The following KCNH5 variants were observed in gnomAD, a reference collection of about 807,000 sequenced individuals.
KCNH5 encodes potassium voltage-gated channel subfamily H member 5.
In KCNH5, 46 loss-of-function variants were observed where a neutral mutation model predicts 96.1. The observed-to-expected ratio is 0.48, with a 90% CI of 0.38 to 0.61. KCNH5 has a LOEUF of 0.61. KCNH5 is among the 20% of genes least tolerant of loss of function. KCNH5 has a pLI of 0.00. For synonymous variants in KCNH5, 439 were observed against 449.8 expected (o/e 0.98, Z 0.30); for missense variants, 907 against 1,225.8 (o/e 0.74, Z 3.88).
chr14:62,967,178 T>C, intron 6 of KCNH5, among the ~76,000 whole-genome samples: 1 of 152,166 alleles, frequency 6.6e-6, no homozygotes, highest in Non-Finnish European at 1.5e-5. Flanking sequence ...AGCTATGGTG[T>C]CCTTATCAAG....
intron 7 of KCNH5, among the ~76,000 whole-genome samples, chr14:62,878,089 G>C (rs566336004): frequency 7.4e-5 from 11 of 147,654 alleles, no homozygotes; most frequent in Non-Finnish European, 1.6e-4. Context: ...GTAAACTATC[G>C]CAAGGACAAA....
intron 8 of KCNH5, among the ~76,000 whole-genome samples, chr14:62,845,916 A>G (rs1887681929): frequency 6.6e-6 from 1 of 152,166 alleles, no homozygotes; most frequent in African/African-American, 2.4e-5. Flanking sequence ...GCAGGATATC[A>G]TGAAAGAATG....
intron 10 of KCNH5, among the ~76,000 whole-genome samples, chr14:62,758,514 C>T (rs529101139): frequency 1.2e-4 from 19 of 152,304 alleles, no homozygotes; most frequent in Non-Finnish European, 2.4e-4. Flanking sequence ...CTACTCTTCT[C>T]TCAGTACTTA....
chr14:62,804,504 G>C (rs1174484688), intron 8 of KCNH5, among the ~76,000 whole-genome samples: 1 of 152,162 alleles, frequency 6.6e-6, no homozygotes, highest in African/African-American at 2.4e-5. Flanking sequence ...TAACCAGAAA[G>C]TGTGGGAGGT....
chr14:62,898,193 A>C (rs1888853900), intron 7 of KCNH5, among the ~76,000 whole-genome samples: 1 of 152,222 alleles, frequency 6.6e-6, no homozygotes, highest in African/African-American at 2.4e-5. Context: ...TTAGAAAGTA[A>C]GAGAAAAAAT....
intron 7 of KCNH5, among the ~76,000 whole-genome samples, chr14:62,866,008 T>A (rs368716670): frequency 3.6e-4 from 55 of 152,238 alleles, no homozygotes; most frequent in African/African-American, 1.2e-3. Context: ...CTAGAACAAA[T>A]CCATGTGATG....
At chr14:62,950,857 C>T (rs948126525) in intron 6 of KCNH5, among the ~76,000 whole-genome samples, 2 of 151,996 alleles carry the variant, frequency 1.3e-5, no homozygotes, top group South Asian at 4.2e-4. Flanking sequence ...AGAGAGAAAC[C>T]GAAGATGAAA....
At chr14:63,002,904 T>A (rs1253042490) in intron 3 of KCNH5, among the ~76,000 whole-genome samples, 1 of 152,084 alleles carries the variant, frequency 6.6e-6, no homozygotes, top group Non-Finnish European at 1.5e-5. Context: ...TTTTTCTGTT[T>A]TCGTATTTTA....
At chr14:63,000,586 C>A (rs1463931750) in intron 4 of KCNH5, among the ~76,000 whole-genome samples, 1 of 152,158 alleles carries the variant, frequency 6.6e-6, no homozygotes, top group Admixed American at 6.5e-5. Flanking sequence ...CTAGGGACTA[C>A]ACAACAGAAT....
At chr14:62,893,335 CACTATAAAACTA>C (rs1202395671) in intron 7 of KCNH5, among the ~76,000 whole-genome samples, 1 of 152,180 alleles carries the variant, frequency 6.6e-6, no homozygotes, top group Non-Finnish European at 1.5e-5. Flanking sequence ...GCAGTGAATT[CACTATAAAACTA>C]ACTAACAAGG....
At chr14:62,727,294 C>T (rs767089176) in intron 10 of KCNH5, among the ~76,000 whole-genome samples, 4 of 151,702 alleles carry the variant, frequency 2.6e-5, no homozygotes, top group Non-Finnish European at 4.4e-5. Context: ...GAACCTGGGA[C>T]GTGGGGGTGA....
chr14:62,825,910 T>C (rs111266639), intron 8 of KCNH5, among the ~76,000 whole-genome samples: 2 of 152,126 alleles, frequency 1.3e-5, no homozygotes, highest in South Asian at 2.1e-4. Flanking sequence ...TCTGCCTAAT[T>C]GAAATTTTTG....
intron 7 of KCNH5, among the ~76,000 whole-genome samples, chr14:62,877,770 T>C (rs1169490916): frequency 6.6e-6 from 1 of 151,848 alleles, no homozygotes; most frequent in African/African-American, 2.4e-5. Context: ...GTTCAACCAT[T>C]GTGGAAGTCA....
intron 1 of KCNH5, among the ~76,000 whole-genome samples, chr14:63,033,100 T>C (rs970444101): frequency 6.6e-6 from 1 of 152,146 alleles, no homozygotes; most frequent in Non-Finnish European, 1.5e-5. Flanking sequence ...CACCATCATA[T>C]CTTGCGTCGA....
chr14:62,766,129 G>A (rs1328581689), intron 10 of KCNH5, among the ~76,000 whole-genome samples: 1 of 151,994 alleles, frequency 6.6e-6, no homozygotes, highest in Non-Finnish European at 1.5e-5. Flanking sequence ...ACTATAATGA[G>A]TTATCACCTC....
At chr14:62,803,300 T>C (rs1039060303) in intron 8 of KCNH5, among the ~76,000 whole-genome samples, 1 of 152,204 alleles carries the variant, frequency 6.6e-6, no homozygotes, top group African/African-American at 2.4e-5. Context: ...TAAATCAAAA[T>C]TCCACATTGG....
chr14:62,790,696 CT>C (rs1232609601), intron 9 of KCNH5, among the ~76,000 whole-genome samples: 1 of 150,560 alleles, frequency 6.6e-6, no homozygotes, highest in Non-Finnish European at 1.5e-5. Context: ...GATATTTTAC[CT>C]TTTTGGTTAA....
intron 10 of KCNH5, among the ~76,000 whole-genome samples, chr14:62,728,591 C>G (rs986005116): frequency 3.9e-5 from 6 of 152,036 alleles, no homozygotes. Flanking sequence ...ACGTGAAATG[C>G]TTTGGTAAGA....
Position 62,950,160 on chromosome 14 carries a change from A to G in KCNH5, c.1342T>C (p.Phe448Leu). 2 of 1,613,948 alleles carry G rather than the reference A, an allele frequency of 1.2e-6. No homozygotes were observed. Among genetic ancestry groups the G allele is most frequent in the Non-Finnish European group, 1.7e-6 (2 of 1,179,922 alleles). The change falls in exon 7 of 11, where the codon TTT (phenylalanine) becomes CTT (leucine). Residue 448 changes from phenylalanine to leucine, a missense_variant. Transcript: ENST00000322893. ...CCAACCATCATCATAGCCACCGAAAACATCTTCTCCACATCTGTGGTAGGA... is the reference window on the plus strand; with the variant it reads ...CCAACCATCATCATAGCCACCGAAAGCATCTTCTCCACATCTGTGGTAGGA... ...IAPTTDVEKM[F>L]SVAMMMVGSL...
Sources: allele counts gnomAD v4.1 joint callset (sites outside exome capture counted in the v4.1 genomes callset), GRCh38; gene constraint gnomAD v4.1.1; transcripts MANE v1.5; gene names NCBI Gene and HGNC (gene_info 2026-07-23, HGNC 2026-07-21).